The following TRPC7 variants were observed in gnomAD, a reference collection of about 807,000 sequenced individuals.
TRPC7 encodes short transient receptor potential channel 7.
A neutral mutation model predicts 90.1 loss-of-function variants in TRPC7; 42 were observed. The observed-to-expected ratio is 0.47, with a 90% confidence interval of 0.36 to 0.60. The LOEUF (loss-of-function observed/expected upper bound fraction) is 0.60. Among genes scored for constraint, TRPC7 ranks in the 20% least tolerant of loss-of-function variants. The pLI is 0.00. For missense variants in TRPC7, 955 were observed against 1,112.3 expected (o/e 0.86, Z 2.01); for synonymous variants, 451 against 436.3 (o/e 1.03, Z -0.42).
intron 2 of TRPC7, among the ~76,000 whole-genome samples, chr5:136,336,783 T>C (rs776434777): frequency 1.6e-4 from 24 of 152,260 alleles, no homozygotes; most frequent in South Asian, 4.1e-4. Flanking sequence ...GTCCTTGTGA[T>C]AGTTTGTTCA....
chr5:136,243,534 G>C (rs1376391040), intron 7 of TRPC7, among the ~76,000 whole-genome samples: 2 of 152,126 alleles, frequency 1.3e-5, no homozygotes, highest in Non-Finnish European at 1.5e-5. Flanking sequence ...GAGCTGGGCA[G>C]GGCAGCCTGG....
intron 4 of TRPC7, among the ~76,000 whole-genome samples, chr5:136,269,249 T>A (rs989280900): frequency 2.6e-5 from 4 of 152,238 alleles, no homozygotes; most frequent in Non-Finnish European, 4.4e-5. Context: ...CTTGTAGAAC[T>A]GAAGTCTCTG....
intron 2 of TRPC7, among the ~76,000 whole-genome samples, chr5:136,330,721 T>A (rs1176676246): frequency 6.6e-6 from 1 of 152,112 alleles, no homozygotes; most frequent in Non-Finnish European, 1.5e-5. Flanking sequence ...GGGAGCTGAG[T>A]CCACCCCACG....
At position 136,225,311 on chromosome 5, in the gene TRPC7, G is replaced by A; in HGVS notation, c.2306C>T (p.Thr769Ile). 1 of 1,613,236 alleles carries A rather than the reference G, an allele frequency of 6.2e-7. No homozygotes were observed. ...QAGMRNSENLTANNTLSKPTR... is the reference protein window; with the variant it reads ...QAGMRNSENLIANNTLSKPTR... Reference sequence around the variant, plus strand: ...GGGCTTGCTCAAAGTGTTATTTGCTGTCAGATTTTCAGAATTCCTCATGCC... The same window carrying A: ...GGGCTTGCTCAAAGTGTTATTTGCTATCAGATTTTCAGAATTCCTCATGCC... The change falls in exon 10 of 12, where the codon ACA (threonine) becomes ATA (isoleucine). Residue 769 changes from threonine to isoleucine, a missense_variant. Thr to Ile is a moderately conservative substitution (Grantham distance 89). Transcript: ENST00000513104.
At chr5:136,251,620 T>C in intron 6 of TRPC7, 29 bp downstream of exon 6, 1 of 1,545,386 alleles carries the variant, frequency 6.5e-7, no homozygotes, top group Non-Finnish European at 8.8e-7. Flanking sequence ...AGCGCCAAAA[T>C]GGAGTAGGGG....
At position 136,357,783 on chromosome 5, in the gene TRPC7, T is replaced by TCCCA. The variant is rs372742971; in HGVS notation, c.3-402_3-399dup. Among the ~76,000 whole-genome samples the TCCCA allele has an allele frequency of 5.1e-3, 773 of 152,318 alleles. 5 individuals carry two copies. The highest frequency in any genetic ancestry group is 0.018 in the African/African-American group (735 of 41,566). Reference sequence around the variant, plus strand: ...ACTAAACCCCTCTATGCTTTAGTTTTCCCACCTGTACAATGTGGATAACTT... The same window carrying TCCCA: ...ACTAAACCCCTCTATGCTTTAGTTTTCCCACCCACCTGTACAATGTGGATAACTT... On this transcript the variant is annotated intron_variant, in intron 1 of 11. Transcript: ENST00000513104.
intron 7 of TRPC7, among the ~76,000 whole-genome samples, chr5:136,243,668 CT>C (rs1180866228): frequency 3.6e-3 from 502 of 140,326 alleles, no homozygotes; most frequent in Admixed American, 3.5e-3. Context: ...TCTCACATGG[CT>C]TTTTTTTTTT....
At chr5:136,267,479 T>G (rs1757071356) in intron 4 of TRPC7, among the ~76,000 whole-genome samples, 1 of 152,222 alleles carries the variant, frequency 6.6e-6, no homozygotes, top group African/African-American at 2.4e-5. Flanking sequence ...GACATTCACA[T>G]TCTGCCTCAT....
At chr5:136,239,705 C>T (rs1168137697) in intron 7 of TRPC7, among the ~76,000 whole-genome samples, 2 of 152,264 alleles carry the variant, frequency 1.3e-5, no homozygotes, top group Non-Finnish European at 2.9e-5. Flanking sequence ...TGCAGCAATG[C>T]ACCCTCTCTC....
At chr5:136,326,230 C>T (rs1359596867) in intron 2 of TRPC7, among the ~76,000 whole-genome samples, 1 of 152,242 alleles carries the variant, frequency 6.6e-6, no homozygotes, top group African/African-American at 2.4e-5. Context: ...TCCTCTGCTA[C>T]TTTGTGCATT....
At chr5:136,218,801 C>A (rs755352952) in intron 10 of TRPC7, among the ~76,000 whole-genome samples, 8 of 152,176 alleles carry the variant, frequency 5.3e-5, no homozygotes, top group Admixed American at 3.3e-4. Flanking sequence ...TTGAGTGCTT[C>A]CATAGACCAG....
chr5:136,339,064 T>C (rs1390566287), intron 2 of TRPC7, among the ~76,000 whole-genome samples: 2 of 152,334 alleles, frequency 1.3e-5, no homozygotes, highest in South Asian at 2.1e-4. Flanking sequence ...GTTCTTTTCA[T>C]TGATATTTTC....
intron 2 of TRPC7, among the ~76,000 whole-genome samples, chr5:136,332,017 GAGAGA>G (rs1307820583): frequency 6.6e-6 from 1 of 152,160 alleles, no homozygotes; most frequent in African/African-American, 2.4e-5. Context: ...CTCAGGTATA[GAGAGA>G]AGAACGTGGT....
At chr5:136,267,556 G>C (rs1757073593) in intron 4 of TRPC7, among the ~76,000 whole-genome samples, 1 of 152,142 alleles carries the variant, frequency 6.6e-6, no homozygotes, top group African/African-American at 2.4e-5. Context: ...ATCAATTACA[G>C]GGCCTTCTCT....
intron 3 of TRPC7, among the ~76,000 whole-genome samples, chr5:136,308,098 C>G (rs372159903): frequency 6.6e-6 from 1 of 152,130 alleles, no homozygotes; most frequent in African/African-American, 2.4e-5. Flanking sequence ...TTTTCCTTCT[C>G]CTGGGAGTTT....
intron 3 of TRPC7, among the ~76,000 whole-genome samples, chr5:136,304,538 C>A: frequency 6.6e-6 from 1 of 152,144 alleles, no homozygotes; most frequent in South Asian, 2.1e-4. Flanking sequence ...CCTCTACTAC[C>A]CATTATTCTG....
At chr5:136,229,061 A>C (rs971457090) in intron 8 of TRPC7, among the ~76,000 whole-genome samples, 9 of 152,238 alleles carry the variant, frequency 5.9e-5, no homozygotes, top group African/African-American at 2.2e-4. Context: ...AGAGACCTGC[A>C]GCTTTTCCAG....
chr5:136,289,440 C>A (rs1208324291), intron 3 of TRPC7, among the ~76,000 whole-genome samples: 2 of 152,204 alleles, frequency 1.3e-5, no homozygotes, highest in South Asian at 2.1e-4. Context: ...GGGTCACTCC[C>A]ACCCTAATAC....
chr5:136,329,087 G>T (rs182639872), intron 2 of TRPC7, among the ~76,000 whole-genome samples: 2 of 152,218 alleles, frequency 1.3e-5, no homozygotes, highest in African/African-American at 4.8e-5. Flanking sequence ...TTACTTAATT[G>T]TCAGCTACTG....
Sources: gnomAD v4.1 joint callset for allele counts (sites outside exome capture counted in the v4.1 genomes callset) on GRCh38, gnomAD v4.1.1 for gene constraint, MANE v1.5 for transcripts, NCBI Gene and HGNC (gene_info 2026-07-23, HGNC 2026-07-21) for gene names.